NEK7: variants seen among roughly 807,000 people sequenced by gnomAD.
NEK7 encodes NIMA related kinase 7.
A neutral mutation model predicts 44.6 loss-of-function variants in NEK7; 18 were observed. That is an observed-to-expected ratio of 0.40 (90% confidence interval 0.28 to 0.60). The LOEUF (loss-of-function observed/expected upper bound fraction) is 0.60. Ranked by LOEUF, NEK7 falls within the 20% of genes least tolerant of loss-of-function variation. The pLI is 0.38. For missense variants in NEK7, 256 were observed against 366.5 expected (o/e 0.70, Z 2.46); for synonymous variants, 130 against 121.1 (o/e 1.07, Z -0.48).
In NEK7 at chr1:198,250,531, T is replaced by C. The variant is rs1652908915; in HGVS notation, c.58-2509T>C. 3.4e-5 allele frequency among the ~76,000 whole-genome samples: 5 copies of C among 146,528 alleles called. No homozygotes were observed. In the South Asian group the frequency reaches 1.1e-3, roughly 33 times the overall value. On this transcript the variant is annotated intron_variant, in intron 2 of 9. Coordinates refer to ENST00000367385, the MANE Select transcript of NEK7 (RefSeq NM_133494.3). ...CCATGAGCATGGAATGTTCTTCCAT[T>C]TGTTTGTATCCTCTTTTATTTCCTT... is the stretch of plus-strand genomic sequence containing the variant.
At chr1:198,170,855 T>C (rs1006933527) in intron 1 of NEK7, among the ~76,000 whole-genome samples, 2 of 152,210 alleles carry the variant, frequency 1.3e-5, no homozygotes, top group Admixed American at 1.3e-4. Flanking sequence ...TTTGTAGTTA[T>C]GGCACATCAG....
At chr1:198,251,558 T>G (rs1306086016) in intron 2 of NEK7, among the ~76,000 whole-genome samples, 1 of 152,124 alleles carries the variant, frequency 6.6e-6, no homozygotes, top group Non-Finnish European at 1.5e-5. Flanking sequence ...TTCAGAGCTG[T>G]TATTGGTTTA....
intron 2 of NEK7, among the ~76,000 whole-genome samples, chr1:198,252,762 C>T (rs539463089): frequency 3.5e-4 from 53 of 150,388 alleles, no homozygotes; most frequent in African/African-American, 1.2e-3. Flanking sequence ...TTAAAACACA[C>T]ATATATATAT....
intron 1 of NEK7, among the ~76,000 whole-genome samples, chr1:198,204,717 C>CAAA (rs58273857): frequency 2.4e-4 from 21 of 87,812 alleles, no homozygotes; most frequent in Admixed American, 3.4e-4. Flanking sequence ...GACTCCGTCT[C>CAAA]AAAAAAAAAA....
At chr1:198,283,978 G>A (rs1654291813) in intron 7 of NEK7, among the ~76,000 whole-genome samples, 1 of 152,016 alleles carries the variant, frequency 6.6e-6, no homozygotes, top group Admixed American at 6.6e-5. Flanking sequence ...CCTACTTTTG[G>A]ACATTCTCCA....
chr1:198,157,074 G>C lies in NEK7; in HGVS notation c.-231G>C, dbSNP rs1003171099. 2.0e-5 allele frequency: 3 copies of C among 152,032 alleles called. No homozygotes were observed. Among genetic ancestry groups the C allele is most frequent in the African/African-American group, 7.2e-5 (3 of 41,426 alleles). The allele number at this position is 152,032 out of a possible 1,614,324, so 9.4% of individuals were successfully genotyped here. ...TGGGCCGCCGCTAGGCTCGCACTCC[G>C]GACGCGCCTCGCAGTGCGCAGGGTG... On this transcript the variant is annotated 5_prime_UTR_variant, in exon 1 of 10. Transcript: ENST00000367385.
At chr1:198,252,388 G>T (rs1653043504) in intron 2 of NEK7, among the ~76,000 whole-genome samples, 2 of 151,344 alleles carry the variant, frequency 1.3e-5, no homozygotes, top group Non-Finnish European at 3.0e-5. Context: ...ATGTCTATTA[G>T]GTCTGCTTGG....
chr1:198,190,988 A>G (rs1365949204), intron 1 of NEK7, among the ~76,000 whole-genome samples: 3 of 151,948 alleles, frequency 2.0e-5, no homozygotes, highest in Non-Finnish European at 4.4e-5. Context: ...TCATTTATAG[A>G]TTTTTTAGAG....
intron 5 of NEK7, among the ~76,000 whole-genome samples, chr1:198,270,781 A>G (rs993224971): frequency 6.6e-6 from 1 of 152,056 alleles, no homozygotes; most frequent in African/African-American, 2.4e-5. Flanking sequence ...TTATTGCTGC[A>G]TAGCAAATTA....
rs541740220 is a variant in NEK7 at position 198,251,332 on chromosome 1, A to T, written c.58-1708A>T. Among the ~76,000 whole-genome samples, 710 of 148,798 alleles carry T rather than the reference A, an allele frequency of 4.8e-3. 9 individuals carry two copies. Among genetic ancestry groups the T allele is most frequent in the African/African-American group, 0.017 (679 of 39,846 alleles). Reference sequence around the variant, plus strand: ...TGTTCATCAAGGATATTGGTCTAAAATTCTCTTTTTTGGTTGTGTCTCTGC... The same window carrying T: ...TGTTCATCAAGGATATTGGTCTAAATTTCTCTTTTTTGGTTGTGTCTCTGC... On this transcript the variant is annotated intron_variant, in intron 2 of 9. Transcript: ENST00000367385.
intron 1 of NEK7, among the ~76,000 whole-genome samples, chr1:198,188,464 G>A (rs1051748662): frequency 6.6e-6 from 1 of 152,066 alleles, no homozygotes; most frequent in African/African-American, 2.4e-5. Flanking sequence ...GGCAGCTGAG[G>A]AGCCCAGAAC....
chr1:198,268,514 AT>A (rs1373366193), intron 5 of NEK7, among the ~76,000 whole-genome samples: 5 of 151,858 alleles, frequency 3.3e-5, no homozygotes, highest in Non-Finnish European at 7.4e-5. Context: ...ATCGTCTCTC[AT>A]TTGGAGAGAG....
chr1:198,227,999 C>G (rs1265373302), intron 1 of NEK7, among the ~76,000 whole-genome samples: 2 of 152,036 alleles, frequency 1.3e-5, no homozygotes, highest in Admixed American at 1.3e-4. Context: ...TTTATGGTTT[C>G]AGGTCTAACA....
chr1:198,204,766 T>C (rs908372420), intron 1 of NEK7, among the ~76,000 whole-genome samples: 2 of 150,800 alleles, frequency 1.3e-5, no homozygotes, highest in Non-Finnish European at 3.0e-5. Flanking sequence ...TTTACAGATA[T>C]TGGCTGAAAT....
intron 5 of NEK7, among the ~76,000 whole-genome samples, chr1:198,264,795 A>T (rs1305940215): frequency 2.0e-5 from 3 of 150,804 alleles, no homozygotes; most frequent in Admixed American, 6.7e-5. Flanking sequence ...ATTAATAGAA[A>T]CCCTTAAATA....
intron 9 of NEK7, 99 bp downstream of exon 9, chr1:198,297,339 G>C: frequency 1.4e-6 from 2 of 1,443,884 alleles, no homozygotes; most frequent in African/African-American, 1.4e-5. Flanking sequence ...AAAATGAATG[G>C]TATAGGTAGC....
At chr1:198,243,692 A>G (rs1445173176) in intron 2 of NEK7, among the ~76,000 whole-genome samples, 2 of 152,194 alleles carry the variant, frequency 1.3e-5, no homozygotes, top group Non-Finnish European at 2.9e-5. Flanking sequence ...TTCTTACACA[A>G]TAGTAAAATT....
At chr1:198,251,356 G>T (rs1475031690) in intron 2 of NEK7, among the ~76,000 whole-genome samples, 1 of 145,892 alleles carries the variant, frequency 6.9e-6, no homozygotes, top group Non-Finnish European at 1.5e-5. Flanking sequence ...TTGTGTCTCT[G>T]CCCGGCTTTG....
chr1:198,227,312 A>G (rs1666255439), intron 1 of NEK7, among the ~76,000 whole-genome samples: 1 of 152,202 alleles, frequency 6.6e-6, no homozygotes, highest in Non-Finnish European at 1.5e-5. Context: ...TATTGTGAAT[A>G]GTGCTGCTAT....
Sources: allele counts gnomAD v4.1 joint callset (sites outside exome capture counted in the v4.1 genomes callset), GRCh38; gene constraint gnomAD v4.1.1; transcripts MANE v1.5; gene names NCBI Gene and HGNC (gene_info 2026-07-23, HGNC 2026-07-21).